SH2B3: variants seen among roughly 807,000 people sequenced by gnomAD.
SH2B3 encodes SH2B adaptor protein 3, also known as SH2B adapter protein 3.
SH2B3 carries 43 observed loss-of-function variants against 51.9 expected under a neutral mutation model. The ratio of observed to expected loss-of-function variants is 0.83; its 90% CI spans 0.65 to 1.07. SH2B3 has a LOEUF of 1.07. Ranked by LOEUF, SH2B3 falls within the 50% of genes least tolerant of loss-of-function variation. SH2B3 has a pLI of 0.00. For synonymous variants in SH2B3, 396 were observed against 376.0 expected (o/e 1.05, Z -0.62); for missense variants, 952 against 834.3 (o/e 1.14, Z -1.74).
intron 2 of SH2B3, among the ~76,000 whole-genome samples, chr12:111,425,807 G>T (rs1317722807): frequency 2.0e-5 from 3 of 152,108 alleles, no homozygotes; most frequent in Non-Finnish European, 4.4e-5. Flanking sequence ...CCTTCCCCTG[G>T]GCACCGCTGA....
intron 1 of SH2B3, among the ~76,000 whole-genome samples, chr12:111,413,919 A>G (rs1870892039): frequency 6.6e-6 from 1 of 152,214 alleles, no homozygotes; most frequent in African/African-American, 2.4e-5. Context: ...TCTTATGTGC[A>G]ATTGGAAGCA....
intron 2 of SH2B3, among the ~76,000 whole-genome samples, chr12:111,433,989 C>CT (rs1337152689): frequency 6.6e-6 from 1 of 152,132 alleles, no homozygotes; most frequent in Non-Finnish European, 1.5e-5. Flanking sequence ...ATAGCCATTT[C>CT]TTATTCTTTT....
At chr12:111,419,696 C>T (rs1871381443) in intron 2 of SH2B3, among the ~76,000 whole-genome samples, 1 of 151,978 alleles carries the variant, frequency 6.6e-6, no homozygotes, top group Non-Finnish European at 1.5e-5. Context: ...TGTTCCTTTA[C>T]ACATGGTACC....
At chr12:111,411,079 C>G (rs1405091992) in intron 1 of SH2B3, among the ~76,000 whole-genome samples, 3 of 151,972 alleles carry the variant, frequency 2.0e-5, no homozygotes, top group Non-Finnish European at 4.4e-5. Context: ...AAGAAATCTT[C>G]CCCAGGCTGG....
chr12:111,447,626 G>C, intron 6 of SH2B3, 30 bp from the exon 7 acceptor site: 1 of 1,609,268 alleles, frequency 6.2e-7, no homozygotes. Flanking sequence ...TAGAGGGACA[G>C]CCCGAGCCCA....
intron 2 of SH2B3, among the ~76,000 whole-genome samples, chr12:111,432,394 T>C (rs1201965421): frequency 6.6e-6 from 1 of 152,124 alleles, no homozygotes; most frequent in Admixed American, 6.6e-5. Flanking sequence ...GAACACCTTA[T>C]GTCAGTCTTG....
Position 111,448,337 on chromosome 12 carries a change from T to TA in SH2B3, c.*35_*36insA. The TA allele has an allele frequency of 6.9e-7, 1 of 1,450,400 alleles. No homozygotes were observed. Among genetic ancestry groups the TA allele is most frequent in the Non-Finnish European group, 9.6e-7 (1 of 1,047,058 alleles). The allele number at this position is 1,450,400 out of a possible 1,614,324, so 89.8% of individuals were successfully genotyped here. ...AATTCCAGGCCTCAACAGCTGCCCT[T>TA]GAGGAGCACAGGCAGAAGTGTGAAC... On this transcript the variant is annotated 3_prime_UTR_variant, in exon 8 of 8. Coordinates refer to ENST00000341259, the MANE Select transcript of SH2B3 (RefSeq NM_005475.3).
intron 2 of SH2B3, among the ~76,000 whole-genome samples, chr12:111,440,484 A>C (rs537051803): frequency 1.3e-5 from 2 of 152,168 alleles, no homozygotes; most frequent in Non-Finnish European, 2.9e-5. Context: ...TGAATTCCAC[A>C]ATCTGGAAAC....
intron 1 of SH2B3, among the ~76,000 whole-genome samples, chr12:111,414,506 C>T (rs1388871204): frequency 6.6e-6 from 1 of 151,860 alleles, no homozygotes; most frequent in Non-Finnish European, 1.5e-5. Context: ...ATGAGGATAG[C>T]TTGAGCCTGG....
Position 111,447,686 on chromosome 12 carries a change from C to G in SH2B3, c.1267C>G (p.Gln423Glu). 6.2e-7 allele frequency: 1 copy of G among 1,613,554 alleles called. No homozygotes were observed. Among genetic ancestry groups the G allele is most frequent in the Middle Eastern group, 1.6e-4 (1 of 6,062 alleles). ...GCGCCTGTCGCTGACAGAGCGGGGC[C>G]AGTGCCGTGTGCAGCACCTCCACTT... is the stretch of plus-strand genomic sequence containing the variant. ...HLRLSLTERG[Q>E]CRVQHLHFPS... The change falls in exon 7 of 8, where the codon CAG becomes GAG. Residue 423 changes from glutamine to glutamate, a missense_variant. Transcript: ENST00000341259.
chr12:111,414,689 T>C (rs958586242), intron 1 of SH2B3, among the ~76,000 whole-genome samples: 1 of 151,944 alleles, frequency 6.6e-6, no homozygotes, highest in African/African-American at 2.4e-5. Context: ...AGATCGGCTG[T>C]GGGGGTTCCA....
chr12:111,441,233 C>T (rs933659760), intron 2 of SH2B3, among the ~76,000 whole-genome samples: 1 of 151,892 alleles, frequency 6.6e-6, no homozygotes, highest in Non-Finnish European at 1.5e-5. Context: ...AAATAATCAG[C>T]CACATGTGGT....
chr12:111,447,319 T>TTC lies in SH2B3; in HGVS notation c.1022-10_1022-9insCT. ...CCCCCTGCGACCACCATCACCCATC[T>TTC]TATCTAACAGGTGCTTCTCCTGGGG... On this transcript the variant is annotated splice_polypyrimidine_tract_variant and intron_variant, in intron 5 of 7. Coordinates refer to ENST00000341259, the MANE Select transcript of SH2B3 (RefSeq NM_005475.3). 1 of 1,607,468 alleles carries TTC rather than the reference T, an allele frequency of 6.2e-7. No individual in the cohort carries two copies.
chr12:111,442,729 C>T (rs1320160132), intron 2 of SH2B3, among the ~76,000 whole-genome samples: 3 of 152,254 alleles, frequency 2.0e-5, no homozygotes, highest in African/African-American at 7.2e-5. Flanking sequence ...AGCCTTGAAG[C>T]CCCATGGTGG....
intron 2 of SH2B3, among the ~76,000 whole-genome samples, chr12:111,439,079 T>C (rs1873160279): frequency 6.6e-6 from 1 of 152,230 alleles, no homozygotes; most frequent in South Asian, 2.1e-4. Context: ...TTCAAGTGAT[T>C]CTCCTGCGTC....
At chr12:111,442,266 C>T (rs781327130) in intron 2 of SH2B3, among the ~76,000 whole-genome samples, 5 of 152,166 alleles carry the variant, frequency 3.3e-5, no homozygotes, top group African/African-American at 7.2e-5. Flanking sequence ...GACCTGCTTA[C>T]GGGCCCCCTA....
intron 1 of SH2B3, among the ~76,000 whole-genome samples, chr12:111,417,452 G>A (rs904632898): frequency 9.6e-6 from 1 of 104,152 alleles, no homozygotes; most frequent in Non-Finnish European, 2.0e-5. Flanking sequence ...TGTCATATAG[G>A]GCCTTTATTT....
chr12:111,433,294 C>T (rs1049491305), intron 2 of SH2B3, among the ~76,000 whole-genome samples: 2 of 151,786 alleles, frequency 1.3e-5, no homozygotes, highest in Non-Finnish European at 2.9e-5. Flanking sequence ...GAGGCTGCAG[C>T]GAGCCAAGAT....
At position 111,438,527 on chromosome 12, in the gene SH2B3, C is replaced by T. The variant is rs1873098709; in HGVS notation, c.733-8226C>T. On this transcript the variant is annotated intron_variant, in intron 2 of 7. Coordinates refer to ENST00000341259, the MANE Select transcript of SH2B3 (RefSeq NM_005475.3). The surrounding 1 kb of genome is among the most constrained non-coding windows in gnomAD (Gnocchi z 4.2). ...CAGTAGGGGCAATCATCCCCTATGC[C>T]CCCCGTTACCCAGCACAAAGGATGC... Among the ~76,000 whole-genome samples the T allele has an allele frequency of 6.6e-6, 1 of 152,110 alleles. No individual in the cohort carries two copies. The highest frequency in any genetic ancestry group is 1.5e-5 in the Non-Finnish European group (1 of 68,014).
Sources: allele counts gnomAD v4.1 joint callset (sites outside exome capture counted in the v4.1 genomes callset), GRCh38; gene constraint gnomAD v4.1.1; non-coding constraint Gnocchi (gnomAD v3.1); transcripts MANE v1.5; gene names NCBI Gene and HGNC (gene_info 2026-07-23, HGNC 2026-07-21).